The following RASA1 variants were observed in gnomAD, a reference collection of about 807,000 sequenced individuals.
RASA1 encodes ras GTPase-activating protein 1.
A neutral mutation model predicts 132.2 loss-of-function variants in RASA1; 25 were observed. The observed-to-expected ratio is 0.19, with a 90% CI of 0.14 to 0.26. The LOEUF (loss-of-function observed/expected upper bound fraction) is 0.26, where lower values mean the gene tolerates loss of function less well. RASA1 is among the 10% of genes least tolerant of loss of function. RASA1 has a pLI of 1.00. For synonymous variants in RASA1, 477 were observed against 449.9 expected (o/e 1.06, Z -0.76); for missense variants, 964 against 1,299.2 (o/e 0.74, Z 3.97).
intron 11 of RASA1, among the ~76,000 whole-genome samples, chr5:87,364,883 TA>T (rs1338616630): frequency 6.6e-6 from 1 of 152,158 alleles, no homozygotes; most frequent in Non-Finnish European, 1.5e-5. Context: ...ATTATCCTGA[TA>T]GAATGAGGAG....
intron 1 of RASA1, among the ~76,000 whole-genome samples, chr5:87,314,972 C>G (rs1406308295): frequency 6.6e-6 from 1 of 152,148 alleles, no homozygotes. Flanking sequence ...CTAAATAAAA[C>G]ATTTTTGAAT....
intron 1 of RASA1, among the ~76,000 whole-genome samples, chr5:87,297,743 G>T (rs1480844339): frequency 1.3e-5 from 2 of 152,098 alleles, no homozygotes; most frequent in African/African-American, 4.8e-5. Context: ...ATTTTTCTCT[G>T]ATATTTACTG....
intron 6 of RASA1, among the ~76,000 whole-genome samples, chr5:87,342,162 CTTTT>C (rs531793273): frequency 7.2e-6 from 1 of 139,774 alleles, no homozygotes. Context: ...GTTATTTTTT[CTTTT>C]TTTTTTTTTT....
chr5:87,368,051 C>G (rs1389224968), intron 11 of RASA1, among the ~76,000 whole-genome samples: 1 of 152,004 alleles, frequency 6.6e-6, no homozygotes, highest in East Asian at 1.9e-4. Context: ...TTAGAAAACT[C>G]TTGGTTAGTA....
rs118187113 is a variant in RASA1, at chr5:87,383,095, A to G, written c.2691-618A>G. 8.9e-3 allele frequency among the ~76,000 whole-genome samples: 1,361 copies of G among 152,208 alleles called. 61 individuals carry two copies. The highest frequency in any genetic ancestry group is 0.064 in the Admixed American group (978 of 15,270). On this transcript the variant is annotated intron_variant, in intron 20 of 24. Coordinates refer to ENST00000274376, the MANE Select transcript of RASA1 (RefSeq NM_002890.3). ...GGTGACAGAACAAAACCCTATCTCA[A>G]AGAAAACAAAGAAAAAAGGAAAAAA... is the stretch of plus-strand genomic sequence containing the variant.
Position 87,391,414 on chromosome 5 carries a change from A to C in RASA1, c.*531A>C, listed in dbSNP as rs1050788460. The C allele has an allele frequency of 4.0e-6, 1 of 249,286 alleles. No individual in the cohort carries two copies. Among genetic ancestry groups the C allele is most frequent in the Admixed American group, 4.8e-5 (1 of 20,646 alleles). 15.4% of individuals were successfully genotyped at this position (249,286 alleles called of 1,614,324 possible). A position where few individuals can be genotyped will look rare whatever the true frequency, so the allele number is the denominator to read the frequency against. ...CAGAGTTTGTCATTATAATAGGAAC[A>C]ATCTTTGCTGTATACTTTTAAAAAA... On this transcript the variant is annotated 3_prime_UTR_variant, in exon 25 of 25. Coordinates refer to ENST00000274376, the MANE Select transcript of RASA1 (RefSeq NM_002890.3).
At chr5:87,318,272 A>T (rs1408425029) in intron 1 of RASA1, 2 of 152,216 alleles carry the variant, frequency 1.3e-5, no homozygotes, top group Non-Finnish European at 2.9e-5. Context: ...GGCCTGTTAG[A>T]GGAGGAGTTT....
chr5:87,289,036 CTGTT>C (rs1754800136), intron 1 of RASA1, among the ~76,000 whole-genome samples: 2 of 149,692 alleles, frequency 1.3e-5, no homozygotes, highest in Admixed American at 1.3e-4. Context: ...TTATATTTGT[CTGTT>C]TTAATGAACT....
At chr5:87,304,968 A>G (rs1326511207) in intron 1 of RASA1, among the ~76,000 whole-genome samples, 1 of 131,518 alleles carries the variant, frequency 7.6e-6, no homozygotes, top group Non-Finnish European at 1.6e-5. Context: ...TTTTTGGTAA[A>G]CGTCAGTTGT....
intron 1 of RASA1, among the ~76,000 whole-genome samples, chr5:87,301,970 T>C (rs1450737801): frequency 2.6e-5 from 4 of 152,178 alleles, no homozygotes; most frequent in Admixed American, 2.6e-4. Context: ...TTAGGGTGTG[T>C]CTAGTTTGAC....
chr5:87,290,349 C>G (rs1309293793), intron 1 of RASA1, among the ~76,000 whole-genome samples: 1 of 152,094 alleles, frequency 6.6e-6, no homozygotes, highest in East Asian at 1.9e-4. Context: ...AATTAATAAA[C>G]TTTATTTTTT....
At position 87,385,326 on chromosome 5, in the gene RASA1, A is replaced by G. The variant is rs755938499; in HGVS notation, c.2784A>G (p.Arg928=). Reference sequence around the variant, plus strand: ...ATTCTCCATCTCCTATTGCTGCAAGAACACTGATATTAGTGGCTAAATCTG... The same window carrying G: ...ATTCTCCATCTCCTATTGCTGCAAGGACACTGATATTAGTGGCTAAATCTG... ...ISDSPSPIAA[R]TLILVAKSVQ... The change falls in exon 22 of 25, where the codon AGA becomes AGG. Residue 928 remains arginine (R), a synonymous_variant. Transcript: ENST00000274376. 1.2e-6 allele frequency: 2 copies of G among 1,611,106 alleles called. No individual in the cohort carries two copies. Among genetic ancestry groups the G allele is most frequent in the Non-Finnish European group, 1.7e-6 (2 of 1,177,570 alleles).
rs1403658227 is a variant in RASA1 at position 87,389,294 on chromosome 5, G to A, written c.2926-99G>A. On this transcript the variant is annotated intron_variant, in intron 23 of 24. Transcript: ENST00000274376. ...TGCAGTGAGCCGAGATCATGCCATTGCATTTCAGCCTGGGCAACAAGAGCG... is the reference window on the plus strand; with the variant it reads ...TGCAGTGAGCCGAGATCATGCCATTACATTTCAGCCTGGGCAACAAGAGCG... 3 of 1,477,064 alleles carry A rather than the reference G, an allele frequency of 2.0e-6. No homozygotes were observed. In the East Asian group the frequency reaches 7.2e-5, roughly 35 times the overall value. 91.5% of individuals were successfully genotyped at this position (1,477,064 alleles called of 1,614,324 possible).
intron 1 of RASA1, among the ~76,000 whole-genome samples, chr5:87,297,879 G>A (rs2112278631): frequency 6.6e-6 from 1 of 152,186 alleles, no homozygotes; most frequent in Middle Eastern, 3.4e-3. Flanking sequence ...TGTCATTATA[G>A]TTGAGGCTTT....
chr5:87,376,221 G>GT (rs1404721259), intron 15 of RASA1, 172 bp from the exon 16 acceptor site: 1 of 737,338 alleles, frequency 1.4e-6, no homozygotes, highest in Non-Finnish European at 2.3e-6. Flanking sequence ...TTAGTGCACC[G>GT]TAGACACTCA....
At chr5:87,328,864 G>C (rs1757415020) in intron 1 of RASA1, among the ~76,000 whole-genome samples, 1 of 152,094 alleles carries the variant, frequency 6.6e-6, no homozygotes, top group African/African-American at 2.4e-5. Context: ...AATCTGTAAG[G>C]TGTCTGAATC....
intron 5 of RASA1, among the ~76,000 whole-genome samples, chr5:87,338,533 AAAATT>A (rs1424492809): frequency 1.1e-5 from 1 of 91,324 alleles, no homozygotes. Context: ...ATATATATAT[AAAATT>A]TTTTTTTTTT....
At chr5:87,331,578 A>C in intron 2 of RASA1, 78 bp downstream of exon 2, 2 of 1,467,926 alleles carry the variant, frequency 1.4e-6, no homozygotes, top group Non-Finnish European at 1.9e-6. Context: ...CTGTATAATA[A>C]AGGTGAATGA....
intron 1 of RASA1, among the ~76,000 whole-genome samples, chr5:87,301,032 A>G (rs1755336036): frequency 6.6e-6 from 1 of 152,204 alleles, no homozygotes; most frequent in Admixed American, 6.5e-5. Flanking sequence ...TGAATGGGAC[A>G]TAAGTGAATT....
Sources: gnomAD v4.1 joint callset for allele counts (sites outside exome capture counted in the v4.1 genomes callset) on GRCh38, gnomAD v4.1.1 for gene constraint, MANE v1.5 for transcripts, NCBI Gene and HGNC (gene_info 2026-07-23, HGNC 2026-07-21) for gene names.